Variants in CRISP1 observed in about 807,000 individuals in gnomAD.
The protein encoded by CRISP1 is cysteine-rich secretory protein 1.
Under a neutral mutation model 33.1 loss-of-function variants are expected in CRISP1, and 44 were observed. That is an observed-to-expected ratio of 1.33 (90% CI 1.05 to 1.71). The LOEUF is 1.71. Ranked by LOEUF, CRISP1 falls within the 40% of genes most tolerant of loss-of-function variation. CRISP1 has a pLI of 0.00. For synonymous variants in CRISP1, 103 were observed against 98.7 expected, an observed-to-expected ratio of 1.04 and a Z score of -0.26; for missense variants, 390 against 301.2, an observed-to-expected ratio of 1.29 and a Z score of -2.18.
At chr6:49,868,022 G>A (rs2127478926), upstream of CRISP1, among the ~76,000 whole-genome samples, 1 of 152,244 alleles carries the variant, frequency 6.6e-6, no homozygotes, top group Non-Finnish European at 1.5e-5. Flanking sequence ...TCAACATCAA[G>A]TCAAGTGTTT....
At chr6:49,867,644 A>G (rs1219451592), upstream of CRISP1, among the ~76,000 whole-genome samples, 1 of 152,076 alleles carries the variant, frequency 6.6e-6, no homozygotes, top group African/African-American at 2.4e-5. Flanking sequence ...ATGAATGTCC[A>G]GAAAACCATC....
chr6:49,870,063 T>C (rs1771886990), upstream of CRISP1, among the ~76,000 whole-genome samples: 2 of 152,170 alleles, frequency 1.3e-5, no homozygotes, highest in South Asian at 4.1e-4. Flanking sequence ...AAATTTTTGT[T>C]TTTTGTACAT....
upstream of CRISP1, among the ~76,000 whole-genome samples, chr6:49,867,597 CT>C (rs750970046): frequency 6.6e-6 from 1 of 151,932 alleles, no homozygotes; most frequent in African/African-American, 2.4e-5. Flanking sequence ...ATCAGAGTCT[CT>C]TAAGATAGAA....
At chr6:49,840,721 ACT>A (rs1490605628) in intron 6 of CRISP1, among the ~76,000 whole-genome samples, 175 bp downstream of exon 6, 1 of 152,190 alleles carries the variant, frequency 6.6e-6, no homozygotes, top group Non-Finnish European at 1.5e-5. Context: ...AGTAGTCAAG[ACT>A]CAAACTACAG....
chr6:49,858,359 G>A (rs1771550492), intron 1 of CRISP1, among the ~76,000 whole-genome samples: 1 of 152,132 alleles, frequency 6.6e-6, no homozygotes, highest in South Asian at 2.1e-4. Context: ...TAATCCTGCT[G>A]TGTGAGAAGC....
At chr6:49,860,786 A>G in intron 1 of CRISP1, among the ~76,000 whole-genome samples, 1 of 152,116 alleles carries the variant, frequency 6.6e-6, no homozygotes, top group South Asian at 2.1e-4. Context: ...TAGACAAAAT[A>G]GAGACTTTAA....
At position 49,835,284 on chromosome 6, in the gene CRISP1, C is replaced by G. The variant is rs764139152; in HGVS notation, c.*32G>C. On this transcript the variant is annotated 3_prime_UTR_variant, in exon 8 of 8. Transcript: ENST00000335847. Reference sequence around the variant, plus strand: ...CCAACAGACATCTCCTCCTCATCGTCACAGCATAGAACAGTTGAAAATAAC... The same window carrying G: ...CCAACAGACATCTCCTCCTCATCGTGACAGCATAGAACAGTTGAAAATAAC... 1.9e-6 allele frequency: 3 copies of G among 1,605,510 alleles called. No homozygotes were observed. The East Asian group carries it at 6.7e-5, about 36-fold the overall frequency.
chr6:49,850,187 T>G (rs1044707269), intron 3 of CRISP1, among the ~76,000 whole-genome samples: 2 of 151,786 alleles, frequency 1.3e-5, no homozygotes, highest in African/African-American at 4.8e-5. Context: ...GCATGGCACA[T>G]GTATACATAT....
intron 3 of CRISP1, among the ~76,000 whole-genome samples, chr6:49,850,743 T>A (rs1176809251): frequency 6.6e-6 from 1 of 152,196 alleles, no homozygotes; most frequent in Non-Finnish European, 1.5e-5. Flanking sequence ...ATTTTTCCAG[T>A]GTTTTTTCTG....
intron 1 of CRISP1, among the ~76,000 whole-genome samples, chr6:49,863,898 TA>T (rs1771723348): frequency 6.6e-6 from 1 of 152,234 alleles, no homozygotes; most frequent in Non-Finnish European, 1.5e-5. Flanking sequence ...GTTATTTGTT[TA>T]AAAAAGTTAC....
In CRISP1 at chr6:49,852,029, A is replaced by G; in HGVS notation, c.167T>C (p.Val56Ala). The part of the protein sequence containing the change: ...NIHNALRRRV[V>A]PPASNMLKMS... Reference sequence around the variant, plus strand: ...CTTCAGCATGTTGCTGGCTGGTGGAACTACTCTTCTCCTGAGGGCGTTGTG... The same window carrying G: ...CTTCAGCATGTTGCTGGCTGGTGGAGCTACTCTTCTCCTGAGGGCGTTGTG... The change falls in exon 3 of 8, where the codon GTT (valine) becomes GCT (alanine). Residue 56 changes from valine (V) to alanine (A), a missense_variant. By Grantham distance (64) the Val-to-Ala change is moderately conservative. Transcript: ENST00000335847. 1 of 1,611,404 alleles carries G rather than the reference A, an allele frequency of 6.2e-7. No individual in the cohort carries two copies. The highest frequency in any genetic ancestry group is 8.5e-7 in the Non-Finnish European group (1 of 1,179,038).
At chr6:49,848,179 CA>C in intron 4 of CRISP1, 29 bp downstream of exon 4, 1 of 1,235,080 alleles carries the variant, frequency 8.1e-7, no homozygotes, top group Non-Finnish European at 1.1e-6. Flanking sequence ...TTTTTTAGTC[CA>C]AAGGCGGGTC....
At position 49,834,506 on chromosome 6, in the gene CRISP1, A is replaced by C. The variant is rs1459760786; in HGVS notation, c.*810T>G. The C allele has an allele frequency of 2.0e-5, 3 of 152,138 alleles. No individual in the cohort carries two copies. Among genetic ancestry groups the C allele is most frequent in the Admixed American group, 1.3e-4 (2 of 15,272 alleles). The allele number at this position is 152,138 out of a possible 1,614,324, so 9.4% of individuals were successfully genotyped here. A position where few individuals can be genotyped will look rare whatever the true frequency, so the allele number is the denominator to read the frequency against. ...CCTGTTTACTCAGAAGATGTTCCTC[A>C]TTCCACCCTAAGGCTTTCCTGAATC... is the stretch of plus-strand genomic sequence containing the variant. On this transcript the variant is annotated 3_prime_UTR_variant, in exon 8 of 8. Coordinates refer to ENST00000335847, the MANE Select transcript of CRISP1 (RefSeq NM_001131.3).
chr6:49,870,711 A>T (rs1218686298), upstream of CRISP1, among the ~76,000 whole-genome samples: 2 of 152,198 alleles, frequency 1.3e-5, no homozygotes, highest in African/African-American at 4.8e-5. Context: ...ATATAACAAC[A>T]TCCTTGAGTT....
At chr6:49,871,997 C>G (rs1170721142) in intron 1 of CRISP1, among the ~76,000 whole-genome samples, 1 of 152,062 alleles carries the variant, frequency 6.6e-6, no homozygotes, top group Non-Finnish European at 1.5e-5. Flanking sequence ...AATGGTTGAA[C>G]TAGTTTACAG....
intron 1 of CRISP1, among the ~76,000 whole-genome samples, chr6:49,865,643 A>G (rs972469819): frequency 1.4e-4 from 22 of 152,168 alleles, no homozygotes; most frequent in African/African-American, 4.8e-4. Context: ...TGGAGAGAAT[A>G]ATTCAGAGAG....
rs190700172 is a variant in CRISP1 at position 49,846,608 on chromosome 6, A to T, written c.347T>A (p.Ile116Asn). The T allele has an allele frequency of 8.7e-6, 14 of 1,613,492 alleles. No individual in the cohort carries two copies. Among genetic ancestry groups the T allele is most frequent in the Non-Finnish European group, 1.2e-5 (14 of 1,179,680 alleles). ...TSYPVSWSSVIGVWYSESTSF... is the reference protein window; with the variant it reads ...TSYPVSWSSVNGVWYSESTSF... The stretch of plus-strand genomic sequence containing the variant: ...TGTAGACTCACTGTACCAGACTCCA[A>T]TTACACTTGACCATGATACAGGATA... The change falls in exon 5 of 8, where the codon ATT (isoleucine) becomes AAT (asparagine). Residue 116 changes from isoleucine (I) to asparagine (N), a missense_variant. Transcript: ENST00000335847.
At position 49,843,228 on chromosome 6, in the gene CRISP1, A is replaced by G. The variant is rs1771050042; in HGVS notation, c.436-2233T>C. On this transcript the variant is annotated intron_variant, in intron 5 of 7. Coordinates refer to ENST00000335847, the MANE Select transcript of CRISP1 (RefSeq NM_001131.3). Reference sequence around the variant, plus strand: ...TTAATCCTTTGATAAGGTAAATTATATGATTAGTTTAATGTTAAGATACTC... The same window carrying G: ...TTAATCCTTTGATAAGGTAAATTATGTGATTAGTTTAATGTTAAGATACTC... Among the ~76,000 whole-genome samples, 3 of 152,314 alleles carry G rather than the reference A, an allele frequency of 2.0e-5. No homozygotes were observed. In the East Asian group the frequency reaches 5.8e-4, roughly 29 times the overall value.
chr6:49,867,862 T>C (rs946109358), upstream of CRISP1, among the ~76,000 whole-genome samples: 2 of 152,142 alleles, frequency 1.3e-5, no homozygotes, highest in Non-Finnish European at 2.9e-5. Context: ...TTCCAAATTA[T>C]TGAGCAACTT....
Sources: allele counts gnomAD v4.1 joint callset (sites outside exome capture counted in the v4.1 genomes callset), GRCh38; gene constraint gnomAD v4.1.1; transcripts MANE v1.5; gene names NCBI Gene and HGNC (gene_info 2026-07-23, HGNC 2026-07-21).